TXNRD2: variants seen among roughly 807,000 people sequenced by gnomAD.
TXNRD2 encodes thioredoxin reductase 2, mitochondrial.
Under a neutral mutation model 70.8 loss-of-function variants are expected in TXNRD2, and 67 were observed. The ratio of observed to expected loss-of-function variants is 0.95; its 90% CI spans 0.78 to 1.16. TXNRD2 has a LOEUF of 1.16. Ranked by LOEUF, TXNRD2 falls within the 50% of genes most tolerant of loss-of-function variation. The pLI, the probability that TXNRD2 is intolerant of heterozygous loss-of-function variation, is 0.00. For missense variants in TXNRD2, 644 were observed against 719.9 expected, an observed-to-expected ratio of 0.89 and a Z score of 1.21; for synonymous variants, 301 against 295.8, an observed-to-expected ratio of 1.02 and a Z score of -0.18.
At chr22:19,910,334 G>C (rs968116655) in intron 8 of TXNRD2, among the ~76,000 whole-genome samples, 5 of 152,224 alleles carry the variant, frequency 3.3e-5, no homozygotes, top group Non-Finnish European at 7.3e-5. Flanking sequence ...GTCTTTGCTA[G>C]ATTTCAGGGA....
intron 8 of TXNRD2, among the ~76,000 whole-genome samples, chr22:19,902,039 CTA>C (rs1939801140): frequency 1.3e-5 from 2 of 152,120 alleles, no homozygotes; most frequent in Admixed American, 1.3e-4. Context: ...TCTCTACAAA[CTA>C]AAAAAATTAC....
chr22:19,882,131 T>C (rs1370918597), intron 12 of TXNRD2, among the ~76,000 whole-genome samples: 2 of 152,046 alleles, frequency 1.3e-5, no homozygotes, highest in Admixed American at 6.6e-5. Flanking sequence ...AGAGGAGTGA[T>C]ATAGCCACAA....
chr22:19,914,310 G>A (rs965755382), intron 7 of TXNRD2, among the ~76,000 whole-genome samples: 4 of 152,142 alleles, frequency 2.6e-5, no homozygotes, highest in East Asian at 1.9e-4. Context: ...TGTTCACAGC[G>A]GCACTATTCA....
chr22:19,883,261 C>G (rs1315814415), intron 12 of TXNRD2, 64 bp downstream of exon 12: 9 of 1,590,824 alleles, frequency 5.7e-6, no homozygotes, highest in Admixed American at 5.1e-5. Context: ...CAGCCGGAGC[C>G]CAGCGAGCAG....
In TXNRD2 at chr22:19,878,448, G is replaced by T. The variant is rs370805689; in HGVS notation, c.1276-11C>A. ...ATGGGCGTGATAGACCTGAGGACAG[G>T]ATACCAACCCTGGATCAGTGCTGCG... On this transcript the variant is annotated splice_polypyrimidine_tract_variant and intron_variant, in intron 14 of 17. Transcript: ENST00000400521. 2 of 1,613,178 alleles carry T rather than the reference G, an allele frequency of 1.2e-6. No homozygotes were observed. Among genetic ancestry groups the T allele is most frequent in the Non-Finnish European group, 1.7e-6 (2 of 1,179,720 alleles).
In TXNRD2 at chr22:19,923,201, C is replaced by T. The variant is rs577947231; in HGVS notation, c.173-3602G>A. ...TCCTATAACTCTTAACTATCTCCAC[C>T]CCCTCTCCCACATGCCCACTCTTTA... On this transcript the variant is annotated intron_variant, in intron 2 of 17. Coordinates refer to ENST00000400521, the MANE Select transcript of TXNRD2 (RefSeq NM_006440.5). 2.2e-4 allele frequency among the ~76,000 whole-genome samples: 34 copies of T among 152,252 alleles called. No homozygotes were observed. The South Asian group carries it at 5.8e-3, about 26-fold the overall frequency.
In TXNRD2 at chr22:19,921,471, G is replaced by A. The variant is rs114187293; in HGVS notation, c.173-1872C>T. ...GTGTGTAACTCCCACATCTGACCAC[G>A]ATGGAGCAGCAGGGCCCAGATTTAC... On this transcript the variant is annotated intron_variant, in intron 2 of 17. Coordinates refer to ENST00000400521, the MANE Select transcript of TXNRD2 (RefSeq NM_006440.5). 4.0e-3 allele frequency among the ~76,000 whole-genome samples: 605 copies of A among 149,856 alleles called. 3 individuals are homozygous for A. The highest frequency in any genetic ancestry group is 0.014 in the African/African-American group (582 of 40,728).
intron 8 of TXNRD2, chr22:19,911,086 C>CAAAA: frequency 2.6e-6 from 1 of 388,310 alleles, no homozygotes; most frequent in Non-Finnish European, 4.8e-6. Context: ...AAAAAAAAGC[C>CAAAA]AAAAAAAAAA....
chr22:19,894,191 A>G (rs925235024), intron 11 of TXNRD2: 4 of 152,244 alleles, frequency 2.6e-5, no homozygotes, highest in Non-Finnish European at 1.5e-5. Context: ...GCATGATTCT[A>G]CTTACATGAA....
intron 8 of TXNRD2, 36 bp from the exon 9 acceptor site, chr22:19,899,104 T>C (rs1939655093): frequency 6.2e-7 from 1 of 1,606,554 alleles, no homozygotes; most frequent in Non-Finnish European, 8.5e-7. Flanking sequence ...CATGTAAAGC[T>C]GAGGCCCTTA....
chr22:19,888,009 TC>T (rs1327169092), intron 11 of TXNRD2: 1 of 152,488 alleles, frequency 6.6e-6, no homozygotes, highest in Non-Finnish European at 1.5e-5. Context: ...ACAAAGTTTG[TC>T]CTTCTGCCAA....
At chr22:19,913,117 C>G (rs1161703139) in intron 7 of TXNRD2, among the ~76,000 whole-genome samples, 1 of 152,300 alleles carries the variant, frequency 6.6e-6, no homozygotes, top group Admixed American at 6.5e-5. Flanking sequence ...CAGCTGCCCC[C>G]CAACCCCTCA....
intron 13 of TXNRD2, 145 bp downstream of exon 13, chr22:19,880,477 T>A: frequency 1.1e-6 from 1 of 885,312 alleles, no homozygotes; most frequent in Non-Finnish European, 1.8e-6. Flanking sequence ...CACACGTGTG[T>A]ACAACACACC....
intron 11 of TXNRD2, among the ~76,000 whole-genome samples, chr22:19,886,207 C>T (rs1206624817): frequency 6.6e-6 from 1 of 152,250 alleles, no homozygotes; most frequent in Non-Finnish European, 1.5e-5. Flanking sequence ...GGGTTAGAAG[C>T]TGGGCTGGTG....
intron 11 of TXNRD2, among the ~76,000 whole-genome samples, chr22:19,884,658 A>G (rs187104229): frequency 5.4e-4 from 82 of 152,172 alleles, no homozygotes; most frequent in African/African-American, 1.5e-3. Context: ...CTGGCTCCCA[A>G]TGGCCTCCTC....
At chr22:19,899,852 C>T (rs1183935254) in intron 8 of TXNRD2, among the ~76,000 whole-genome samples, 1 of 152,240 alleles carries the variant, frequency 6.6e-6, no homozygotes, top group African/African-American at 2.4e-5. Flanking sequence ...CATGTAGACA[C>T]ATGCATGCAC....
At chr22:19,919,942 C>A (rs943080196) in intron 2 of TXNRD2, among the ~76,000 whole-genome samples, 19 of 152,306 alleles carry the variant, frequency 1.2e-4, no homozygotes, top group African/African-American at 4.3e-4. Context: ...CCCCACCTGC[C>A]CCTGCATGTT....
At chr22:19,898,736 C>T (rs899088093) in intron 9 of TXNRD2, among the ~76,000 whole-genome samples, 2 of 151,950 alleles carry the variant, frequency 1.3e-5, no homozygotes, top group East Asian at 1.9e-4. Flanking sequence ...TGCAGCTCCT[C>T]TCCTGACCCT....
intron 8 of TXNRD2, among the ~76,000 whole-genome samples, chr22:19,906,198 A>C (rs1035015190): frequency 1.3e-5 from 2 of 152,194 alleles, no homozygotes; most frequent in Admixed American, 6.5e-5. Flanking sequence ...TGTGCAGCAC[A>C]CATGGGCATG....
Sources: allele counts gnomAD v4.1 joint callset (sites outside exome capture counted in the v4.1 genomes callset), GRCh38; gene constraint gnomAD v4.1.1; transcripts MANE v1.5; gene names NCBI Gene and HGNC (gene_info 2026-07-23, HGNC 2026-07-21).